NAV3: variants seen among roughly 807,000 people sequenced by gnomAD.
NAV3 encodes the protein pore membrane and/or filament interacting like protein 1.
NAV3 carries 87 observed loss-of-function variants against 244.7 expected under a neutral mutation model. That is an observed-to-expected ratio of 0.36 (90% CI 0.30 to 0.42). The LOEUF (loss-of-function observed/expected upper bound fraction) is 0.42, where lower values mean the gene tolerates loss of function less well. Ranked by LOEUF, NAV3 falls within the 20% of genes least tolerant of loss-of-function variation. The pLI is 1.00. For missense variants in NAV3, 2,663 were observed against 2,893.3 expected, an observed-to-expected ratio of 0.92 and a Z score of 1.83; for synonymous variants, 1,126 against 1,042.2, an observed-to-expected ratio of 1.08 and a Z score of -1.55.
At chr12:77,873,679 G>GTATATATA (rs200152687) in intron 1 of NAV3, among the ~76,000 whole-genome samples, 2 of 107,290 alleles carry the variant, frequency 1.9e-5, no homozygotes, top group Admixed American at 1.1e-4. Flanking sequence ...ATTTGTATGT[G>GTATATATA]TATATATATA....
intron 2 of NAV3, among the ~76,000 whole-genome samples, chr12:77,753,862 A>T (rs1325185108): frequency 6.6e-6 from 1 of 152,180 alleles, no homozygotes; most frequent in Non-Finnish European, 1.5e-5. Flanking sequence ...TACGTTCAAA[A>T]ATATTGAATG....
At chr12:77,960,763 T>A (rs1018740165) in intron 3 of NAV3, among the ~76,000 whole-genome samples, 2 of 147,296 alleles carry the variant, frequency 1.4e-5, no homozygotes, top group Non-Finnish European at 3.0e-5. Context: ...TGCATATATA[T>A]GATATATACA....
chr12:77,691,331 A>ATG lies in NAV3; in HGVS notation c.72+119071_72+119072dup, dbSNP rs371335111. Among the ~76,000 whole-genome samples, 2 of 65,762 alleles carry ATG rather than the reference A, an allele frequency of 3.0e-5. 1 individual carries two copies. Among genetic ancestry groups the ATG allele is most frequent in the Non-Finnish European group, 6.9e-5 (2 of 28,970 alleles). 43.1% of individuals were successfully genotyped at this position (65,762 alleles called of 152,430 possible). A position where few individuals can be genotyped will look rare whatever the true frequency, so the allele number is the denominator to read the frequency against. On this transcript the variant is annotated intron_variant, in intron 2 of 8. Transcript: ENST00000550042. ...TATAGTCATATATAAGTATTTGTGT[A>ATG]TGTGTGTATATATATATATATATAC...
intron 2 of NAV3, among the ~76,000 whole-genome samples, chr12:77,646,445 AG>A (rs1206207074): frequency 6.6e-6 from 1 of 151,908 alleles, no homozygotes; most frequent in Non-Finnish European, 1.5e-5. Flanking sequence ...CCTGAAGCAG[AG>A]GTGAAGAAGG....
In NAV3 at chr12:78,122,363, A is replaced by G. The variant is rs763064667; in HGVS notation, c.4173A>G (p.Thr1391=). The G allele has an allele frequency of 6.2e-7, 1 of 1,613,928 alleles. No individual in the cohort carries two copies. Among genetic ancestry groups the G allele is most frequent in the Admixed American group, 1.7e-5 (1 of 60,008 alleles). ...SHHGSLSGLT[T]GTHEVQSLLM... is the part of the protein sequence containing the mutation. ...ATGGCTCCTTGTCTGGACTGACCAC[A>G]GGCACTCACGAGGTCCAGAGCCTGC... Residue 1391 remains threonine, a synonymous_variant, in exon 16 of 40, where the codon ACA becomes ACG. Coordinates refer to ENST00000397909, the MANE Select transcript of NAV3 (RefSeq NM_001024383.2).
intron 8 of NAV3, among the ~76,000 whole-genome samples, chr12:78,017,897 A>G (rs562687359): frequency 6.6e-6 from 1 of 152,314 alleles, no homozygotes; most frequent in East Asian, 1.9e-4. Flanking sequence ...GATCCTCTAT[A>G]GACTGGAGTT....
chr12:77,581,384 A>T (rs1284162278), intron 2 of NAV3, among the ~76,000 whole-genome samples: 2 of 152,200 alleles, frequency 1.3e-5, no homozygotes, highest in Non-Finnish European at 2.9e-5. Flanking sequence ...TCAATTTTTC[A>T]TCTTTCATGG....
chr12:77,994,943 TC>T, intron 6 of NAV3, 72 bp downstream of exon 6: 1 of 1,162,200 alleles, frequency 8.6e-7, no homozygotes, highest in Non-Finnish European at 1.2e-6. Flanking sequence ...TTTTGTCCTA[TC>T]TTTTTTTTTT....
At chr12:78,160,706 G>T (rs1403727940) in intron 23 of NAV3, among the ~76,000 whole-genome samples, 3 of 151,952 alleles carry the variant, frequency 2.0e-5, no homozygotes, top group South Asian at 2.1e-4. Context: ...TCTTATAATT[G>T]CCAAGTATTA....
chr12:77,658,993 A>T (rs1207077476), intron 2 of NAV3, among the ~76,000 whole-genome samples: 1 of 152,080 alleles, frequency 6.6e-6, no homozygotes, highest in Non-Finnish European at 1.5e-5. Flanking sequence ...TTAGACCTAA[A>T]ACCATAAAAA....
chr12:77,838,026 C>T (rs1488138971), intron 1 of NAV3, among the ~76,000 whole-genome samples: 1 of 152,224 alleles, frequency 6.6e-6, no homozygotes, highest in African/African-American at 2.4e-5. Context: ...GGTAGCATTT[C>T]CAGAGCTGGC....
intron 11 of NAV3, among the ~76,000 whole-genome samples, chr12:78,053,315 TACTTCTCTTCTATGAAGTCACC>T (rs1379634193): frequency 6.6e-6 from 1 of 152,002 alleles, no homozygotes; most frequent in Non-Finnish European, 1.5e-5. Flanking sequence ...TTATTCATGG[TACTTCTCTTCTATGAAGTCACC>T]ACAAACACTG....
chr12:77,690,788 T>C (rs1874975203), intron 2 of NAV3, among the ~76,000 whole-genome samples: 1 of 310 alleles, frequency 3.2e-3, no homozygotes, highest in African/African-American at 0.029. Context: ...ATAATATATA[T>C]ATAGTGTCTA....
At chr12:77,676,301 C>T (rs1044119033) in intron 2 of NAV3, among the ~76,000 whole-genome samples, 13 of 152,136 alleles carry the variant, frequency 8.5e-5, no homozygotes, top group African/African-American at 3.1e-4. Flanking sequence ...ACTCTCTCTT[C>T]CTGAAAGGAG....
At chr12:77,839,542 A>C (rs1875251166) in intron 1 of NAV3, among the ~76,000 whole-genome samples, 1 of 152,218 alleles carries the variant, frequency 6.6e-6, no homozygotes, top group African/African-American at 2.4e-5. Context: ...AATGAGGATA[A>C]TCATGTAAAT....
intron 12 of NAV3, among the ~76,000 whole-genome samples, chr12:78,069,740 C>A (rs1262620054): frequency 6.6e-6 from 1 of 151,778 alleles, no homozygotes; most frequent in Non-Finnish European, 1.5e-5. Context: ...AATTTGTTTT[C>A]TAAAAAGATC....
intron 1 of NAV3, among the ~76,000 whole-genome samples, chr12:77,893,054 A>T (rs1456513053): frequency 6.6e-6 from 1 of 152,174 alleles, no homozygotes; most frequent in Non-Finnish European, 1.5e-5. Flanking sequence ...TCTGAAGAAC[A>T]TGGGTTTGGA....
At chr12:78,113,685 C>T (rs191054412) in intron 12 of NAV3, among the ~76,000 whole-genome samples, 12 of 152,246 alleles carry the variant, frequency 7.9e-5, no homozygotes, top group Non-Finnish European at 1.5e-4. Context: ...TCTGGGCCTG[C>T]GATGAGTAGG....
At chr12:77,833,298 A>G (rs1874035871) in intron 1 of NAV3, among the ~76,000 whole-genome samples, 1 of 149,174 alleles carries the variant, frequency 6.7e-6, no homozygotes, top group African/African-American at 2.5e-5. Flanking sequence ...TAAGAATTAA[A>G]TAGTAGTTGG....
Sources: allele counts gnomAD v4.1 joint callset (sites outside exome capture counted in the v4.1 genomes callset), GRCh38; gene constraint gnomAD v4.1.1; transcripts MANE v1.5; gene names NCBI Gene and HGNC (gene_info 2026-07-23, HGNC 2026-07-21).